Variants in VAV3 observed in about 807,000 individuals in gnomAD.
The protein encoded by VAV3 is guanine nucleotide exchange factor VAV3.
VAV3 carries 94 observed loss-of-function variants against 131.2 expected under a neutral mutation model. That is an observed-to-expected ratio of 0.72 (90% CI 0.61 to 0.85). The LOEUF is 0.85. VAV3 is among the 40% of genes least tolerant of loss of function. VAV3 has a pLI of 0.00. For missense variants in VAV3, 939 were observed against 1,002.7 expected (o/e 0.94, Z 0.86); for synonymous variants, 349 against 342.0 (o/e 1.02, Z -0.22).
Position 107,609,743 on chromosome 1 carries a change from C to T in VAV3, c.2015+188G>A, listed in dbSNP as rs1245835749. ...TGGGCACTCGCATGCACACACACCC[C>T]CCTCGCAGATAAAGATATGGAAAGG... On this transcript the variant is annotated intron_variant, in intron 22 of 26. Transcript: ENST00000370056. 1.9e-5 allele frequency: 11 copies of T among 584,726 alleles called. 1 individual carries two copies. The South Asian group carries it at 2.4e-4, about 13-fold the overall frequency. 36.2% of individuals were successfully genotyped at this position (584,726 alleles called of 1,614,324 possible). A position where few individuals can be genotyped will look rare whatever the true frequency, so the allele number is the denominator to read the frequency against.
chr1:107,605,460 C>T (rs10881473), intron 22 of VAV3, among the ~76,000 whole-genome samples: 54,050 of 152,014 alleles, frequency 0.36, 9,940 homozygotes, highest in Middle Eastern at 0.42. Flanking sequence ...ATGAGAAGGC[C>T]CTCACCAGAT....
intron 25 of VAV3, among the ~76,000 whole-genome samples, chr1:107,582,490 C>T (rs1483840040): frequency 1.3e-5 from 2 of 151,894 alleles, no homozygotes; most frequent in Non-Finnish European, 2.9e-5. Context: ...TATACATGTG[C>T]CACGCTGGTG....
chr1:107,656,772 G>A (rs1656594818), intron 19 of VAV3, among the ~76,000 whole-genome samples: 1 of 151,872 alleles, frequency 6.6e-6, no homozygotes, highest in African/African-American at 2.4e-5. Context: ...AATTATCCTA[G>A]CTCTCTGTGC....
chr1:107,648,541 C>A (rs1308292906), intron 19 of VAV3, among the ~76,000 whole-genome samples: 2 of 151,952 alleles, frequency 1.3e-5, no homozygotes, highest in East Asian at 1.9e-4. Context: ...ACTTGGCAGA[C>A]CCCTGGCAAA....
At chr1:107,804,277 T>C (rs1666958931) in intron 2 of VAV3, among the ~76,000 whole-genome samples, 1 of 152,134 alleles carries the variant, frequency 6.6e-6, no homozygotes, top group Non-Finnish European at 1.5e-5. Flanking sequence ...CTGGTGTCAT[T>C]TTGTTGCTTG....
intron 1 of VAV3, among the ~76,000 whole-genome samples, chr1:107,897,553 G>T (rs1311668018): frequency 6.6e-6 from 1 of 151,992 alleles, no homozygotes; most frequent in South Asian, 2.1e-4. Flanking sequence ...CACCAGGGTC[G>T]CAGTTTAGTC....
At chr1:107,800,602 T>C (rs1666783053) in intron 2 of VAV3, among the ~76,000 whole-genome samples, 1 of 152,306 alleles carries the variant, frequency 6.6e-6, no homozygotes, top group African/African-American at 2.4e-5. Flanking sequence ...TGCATGATGC[T>C]GAGGTTTGGG....
At chr1:107,667,815 G>C (rs773852661) in intron 19 of VAV3, among the ~76,000 whole-genome samples, 5 of 152,078 alleles carry the variant, frequency 3.3e-5, no homozygotes, top group African/African-American at 1.2e-4. Flanking sequence ...TTCTAATCAC[G>C]TTAAAATCAA....
intron 21 of VAV3, among the ~76,000 whole-genome samples, chr1:107,613,956 A>G (rs1652948682): frequency 6.6e-6 from 1 of 152,082 alleles, no homozygotes; most frequent in Non-Finnish European, 1.5e-5. Flanking sequence ...TCTAGCTTAG[A>G]ATTATTTAGG....
intron 1 of VAV3, among the ~76,000 whole-genome samples, chr1:107,884,548 T>C (rs1008826952): frequency 2.0e-5 from 3 of 151,560 alleles, no homozygotes; most frequent in African/African-American, 7.3e-5. Flanking sequence ...TGTGCTCAAG[T>C]GATCCTCCCA....
intron 1 of VAV3, among the ~76,000 whole-genome samples, chr1:107,892,217 T>C (rs1671341952): frequency 6.6e-6 from 1 of 152,198 alleles, no homozygotes; most frequent in Non-Finnish European, 1.5e-5. Context: ...CCTTTTATAA[T>C]ATGGGGAAAA....
chr1:107,709,497 T>C (rs1463872139), intron 15 of VAV3, among the ~76,000 whole-genome samples: 1 of 152,212 alleles, frequency 6.6e-6, no homozygotes, highest in Non-Finnish European at 1.5e-5. Flanking sequence ...TAAATTTCAA[T>C]TAAATCTCAG....
At chr1:107,952,723 G>A (rs72985442) in intron 1 of VAV3, among the ~76,000 whole-genome samples, 16,147 of 151,496 alleles carry the variant, frequency 0.11, 1,585 homozygotes, top group African/African-American at 0.26. Flanking sequence ...AGTAAAACCC[G>A]TACTGTATAG....
chr1:107,618,028 A>G (rs1037456013), intron 20 of VAV3, among the ~76,000 whole-genome samples: 7 of 152,120 alleles, frequency 4.6e-5, no homozygotes, highest in Non-Finnish European at 1.0e-4. Context: ...CTCAGGCATT[A>G]GACTCTCATA....
chr1:107,679,270 C>G (rs1347470365), intron 19 of VAV3, among the ~76,000 whole-genome samples: 1 of 152,142 alleles, frequency 6.6e-6, no homozygotes, highest in East Asian at 1.9e-4. Flanking sequence ...ACATGCAACT[C>G]TTTGTAATCA....
chr1:107,749,942 A>T (rs1663606194), intron 13 of VAV3, among the ~76,000 whole-genome samples: 1 of 152,222 alleles, frequency 6.6e-6, no homozygotes, highest in South Asian at 2.1e-4. Flanking sequence ...AAAAACCTAT[A>T]GAATAATATT....
intron 1 of VAV3, among the ~76,000 whole-genome samples, chr1:107,950,251 T>C (rs1275200400): frequency 6.6e-6 from 1 of 152,210 alleles, no homozygotes; most frequent in Non-Finnish European, 1.5e-5. Flanking sequence ...AAACTCTCTC[T>C]GGGAATCAGA....
intron 2 of VAV3, among the ~76,000 whole-genome samples, chr1:107,829,119 CAG>C (rs1340071776): frequency 2.0e-5 from 3 of 152,130 alleles, no homozygotes; most frequent in Non-Finnish European, 4.4e-5. Context: ...GCCAATTACA[CAG>C]AGAGATGTTA....
At chr1:107,924,491 C>T (rs1263971798) in intron 1 of VAV3, among the ~76,000 whole-genome samples, 1 of 151,842 alleles carries the variant, frequency 6.6e-6, no homozygotes, top group Non-Finnish European at 1.5e-5. Flanking sequence ...GCCACATCAG[C>T]AAAAAGGAAA....
Sources: gnomAD v4.1 joint callset for allele counts (sites outside exome capture counted in the v4.1 genomes callset) on GRCh38, gnomAD v4.1.1 for gene constraint, MANE v1.5 for transcripts, NCBI Gene and HGNC (gene_info 2026-07-23, HGNC 2026-07-21) for gene names.